Variants in GALNTL6 observed in about 807,000 individuals in gnomAD.
GALNTL6 encodes the protein polypeptide N-acetylgalactosaminyltransferase-like 6.
A neutral mutation model predicts 73.7 loss-of-function variants in GALNTL6; 46 were observed. The observed-to-expected ratio is 0.62, with a 90% CI of 0.49 to 0.80. The LOEUF (loss-of-function observed/expected upper bound fraction) is 0.80. Ranked by LOEUF, GALNTL6 falls within the 30% of genes least tolerant of loss-of-function variation. The pLI is 0.00. For missense variants in GALNTL6, 604 were observed against 755.0 expected, an observed-to-expected ratio of 0.80 and a Z score of 2.34; for synonymous variants, 259 against 263.7, an observed-to-expected ratio of 0.98 and a Z score of 0.17.
chr4:172,089,531 T>C (rs1434857128), intron 2 of GALNTL6, among the ~76,000 whole-genome samples: 1 of 151,966 alleles, frequency 6.6e-6, no homozygotes, highest in Non-Finnish European at 1.5e-5. Context: ...AAATTGAAAA[T>C]GTTTGTTTGG....
At chr4:172,483,623 G>C (rs1001401502) in intron 5 of GALNTL6, among the ~76,000 whole-genome samples, 4 of 152,154 alleles carry the variant, frequency 2.6e-5, no homozygotes, top group East Asian at 1.9e-4. Flanking sequence ...AAAATTGAAC[G>C]AACTGGGAGA....
intron 2 of GALNTL6, among the ~76,000 whole-genome samples, chr4:171,875,105 G>A (rs113562873): frequency 6.6e-6 from 1 of 152,160 alleles, no homozygotes; most frequent in Admixed American, 6.5e-5. Flanking sequence ...ACAGGAAAGG[G>A]TTCACGGGGA....
intron 5 of GALNTL6, among the ~76,000 whole-genome samples, chr4:172,585,996 A>C (rs193099402): frequency 1.3e-5 from 2 of 152,332 alleles, no homozygotes; most frequent in Admixed American, 1.3e-4. Flanking sequence ...TGATTATGAA[A>C]AAGTCAGGAA....
intron 10 of GALNTL6, among the ~76,000 whole-genome samples, chr4:172,983,239 G>A (rs887367725): frequency 6.6e-6 from 1 of 152,280 alleles, no homozygotes; most frequent in East Asian, 1.9e-4. Flanking sequence ...GGCAAAGAAC[G>A]TAATCTCCCC....
Position 173,006,049 on chromosome 4 carries a change from G to C in GALNTL6, c.1372-3129G>C, listed in dbSNP as rs539034440. Among the ~76,000 whole-genome samples the C allele has an allele frequency of 1.7e-3, 263 of 152,272 alleles. 2 individuals are homozygous for C. The highest frequency in any genetic ancestry group is 6.8e-3 in the Middle Eastern group (2 of 294). On this transcript the variant is annotated intron_variant, in intron 10 of 12. Transcript: ENST00000506823. ...AGATTTGGCAGACTTGTCACTCAGT[G>C]TTCCTGGCTTGGGTATGTTTTTTTC...
chr4:172,815,383 G>C (rs1223694205), intron 7 of GALNTL6, among the ~76,000 whole-genome samples: 1 of 152,186 alleles, frequency 6.6e-6, no homozygotes, highest in Non-Finnish European at 1.5e-5. Flanking sequence ...TGGTAGAACT[G>C]TTATTAGGTG....
chr4:172,591,128 G>A (rs752812756), intron 5 of GALNTL6, among the ~76,000 whole-genome samples: 38 of 152,084 alleles, frequency 2.5e-4, no homozygotes, highest in Non-Finnish European at 3.7e-4. Context: ...TGCTGTAATA[G>A]CTTTTTGCCA....
intron 5 of GALNTL6, among the ~76,000 whole-genome samples, chr4:172,515,461 C>T (rs1403284837): frequency 2.0e-5 from 3 of 152,180 alleles, no homozygotes; most frequent in East Asian, 3.9e-4. Context: ...TCCGGATTCT[C>T]CGAATATTTA....
intron 4 of GALNTL6, among the ~76,000 whole-genome samples, chr4:172,316,528 C>T (rs141433528): frequency 1.2e-3 from 178 of 152,262 alleles, no homozygotes; most frequent in South Asian, 7.5e-3. Context: ...GTTCTCTCAA[C>T]ACTCAATATT....
chr4:172,769,956 T>C (rs1339309754), intron 5 of GALNTL6, among the ~76,000 whole-genome samples: 4 of 152,090 alleles, frequency 2.6e-5, no homozygotes, highest in Non-Finnish European at 5.9e-5. Flanking sequence ...CTCATAAGAT[T>C]ATAATAAAAA....
chr4:172,699,796 T>C (rs1297727136), intron 5 of GALNTL6, among the ~76,000 whole-genome samples: 2 of 147,954 alleles, frequency 1.4e-5, no homozygotes, highest in Admixed American at 6.7e-5. Flanking sequence ...TGGTGAAATA[T>C]TGATGTATTA....
In GALNTL6 at chr4:171,908,384, A is replaced by G. The variant is rs1056136823; in HGVS notation, c.138+93666A>G. Among the ~76,000 whole-genome samples, 32 of 152,226 alleles carry G rather than the reference A, an allele frequency of 2.1e-4. No individual in the cohort carries two copies. In the East Asian group the frequency reaches 4.6e-3, roughly 22 times the overall value. On this transcript the variant is annotated intron_variant, in intron 2 of 12. Transcript: ENST00000506823. ...AAGAAGACATTTATGCAGCCAAAAA[A>G]CACACGAAAAAATGCTCACCATCAC...
rs114201456 is a variant in GALNTL6 at position 172,188,907 on chromosome 4, G to A, written c.139-40749G>A. ...GTGTACAAGTGGTGCAAGGAACTGA[G>A]CAAGTTAGAAAGTACCAGGCCTCTG... On this transcript the variant is annotated intron_variant, in intron 2 of 12. Transcript: ENST00000506823. Among the ~76,000 whole-genome samples, 672 of 152,308 alleles carry A rather than the reference G, an allele frequency of 4.4e-3. 6 individuals are homozygous for A. The highest frequency in any genetic ancestry group is 0.015 in the African/African-American group (642 of 41,570).
intron 2 of GALNTL6, among the ~76,000 whole-genome samples, chr4:172,053,817 G>T (rs1730945559): frequency 6.6e-6 from 1 of 151,960 alleles, no homozygotes; most frequent in Non-Finnish European, 1.5e-5. Flanking sequence ...TTACATGAAT[G>T]GGTCCCCTAG....
intron 5 of GALNTL6, among the ~76,000 whole-genome samples, chr4:172,674,324 A>G (rs1732157402): frequency 6.6e-6 from 1 of 152,180 alleles, no homozygotes; most frequent in Non-Finnish European, 1.5e-5. Context: ...ATTTCAGCTG[A>G]GAGTTCCACC....
At chr4:172,856,880 C>T (rs1051408782) in intron 7 of GALNTL6, among the ~76,000 whole-genome samples, 7 of 152,200 alleles carry the variant, frequency 4.6e-5, no homozygotes, top group South Asian at 2.1e-4. Flanking sequence ...AAGTGCCTGA[C>T]TCCCCATTAC....
At chr4:172,147,645 A>C (rs1250543595) in intron 2 of GALNTL6, among the ~76,000 whole-genome samples, 2 of 152,206 alleles carry the variant, frequency 1.3e-5, no homozygotes, top group Non-Finnish European at 2.9e-5. Flanking sequence ...CCTAAGCAAT[A>C]ATTTATGACG....
intron 2 of GALNTL6, among the ~76,000 whole-genome samples, chr4:171,959,232 T>G (rs577865635): frequency 1.3e-5 from 2 of 152,292 alleles, no homozygotes; most frequent in East Asian, 1.9e-4. Context: ...AATTTTTTTT[T>G]GAAAACAATA....
intron 5 of GALNTL6, among the ~76,000 whole-genome samples, chr4:172,628,337 A>C (rs551195527): frequency 1.3e-5 from 2 of 152,324 alleles, no homozygotes; most frequent in African/African-American, 4.8e-5. Flanking sequence ...ACAAGCATAC[A>C]TCTGAATGTA....
Sources: gnomAD v4.1 joint callset for allele counts (sites outside exome capture counted in the v4.1 genomes callset) on GRCh38, gnomAD v4.1.1 for gene constraint, MANE v1.5 for transcripts, NCBI Gene and HGNC (gene_info 2026-07-23, HGNC 2026-07-21) for gene names.